RANBP3: variants seen among roughly 807,000 people sequenced by gnomAD.
RANBP3 encodes ran-binding protein 3.
A neutral mutation model predicts 77.3 loss-of-function variants in RANBP3; 14 were observed. The observed-to-expected ratio is 0.18, with a 90% CI of 0.12 to 0.28. RANBP3 has a LOEUF of 0.28. RANBP3 is among the 10% of genes least tolerant of loss of function. RANBP3 has a pLI of 1.00. For synonymous variants in RANBP3, 315 were observed against 312.4 expected, an observed-to-expected ratio of 1.01 and a Z score of -0.09; for missense variants, 586 against 752.3, an observed-to-expected ratio of 0.78 and a Z score of 2.59.
chr19:5,965,538 G>A (rs2145250453), intron 1 of RANBP3, among the ~76,000 whole-genome samples: 1 of 152,306 alleles, frequency 6.6e-6, no homozygotes, highest in Non-Finnish European at 1.5e-5. Flanking sequence ...GGGAGAGGGT[G>A]CTGTAGAGCC....
chr19:5,923,955 G>C (rs1568447534), intron 11 of RANBP3, 41 bp from the exon 12 acceptor site: 1 of 1,490,518 alleles, frequency 6.7e-7, no homozygotes, highest in Non-Finnish European at 9.3e-7. Flanking sequence ...GGGCACTTGT[G>C]TGGTCCTTCA....
At chr19:5,970,430 T>C (rs1051603504) in intron 1 of RANBP3, among the ~76,000 whole-genome samples, 1 of 152,088 alleles carries the variant, frequency 6.6e-6, no homozygotes, top group Non-Finnish European at 1.5e-5. Flanking sequence ...CAAAGTCTCT[T>C]GGGTGTCAAT....
In RANBP3 at chr19:5,936,918, G is replaced by A. The variant is rs371101965; in HGVS notation, c.407-3439C>T. Among the ~76,000 whole-genome samples the A allele has an allele frequency of 5.3e-5, 8 of 151,750 alleles. No homozygotes were observed. The East Asian group carries it at 5.8e-4, about 11-fold the overall frequency. ...AGGGATGGTGCTCAGAGTATCCCAC[G>A]GGTGGTGAGTGCCTGTAATCCCAGC... On this transcript the variant is annotated intron_variant, in intron 5 of 16. Coordinates refer to ENST00000340578, the MANE Select transcript of RANBP3 (RefSeq NM_007322.3).
At position 5,918,487 on chromosome 19, in the gene RANBP3, C is replaced by A; in HGVS notation, c.1473+9G>T. On this transcript the variant is annotated intron_variant, in intron 15 of 16. Transcript: ENST00000340578. ...AGGGGTCCCAGATGCACCCGCGTGGCTGGCTCACCGAGATCAGGAAGACCT... is the reference window on the plus strand; with the variant it reads ...AGGGGTCCCAGATGCACCCGCGTGGATGGCTCACCGAGATCAGGAAGACCT... 6.4e-7 allele frequency: 1 copy of A among 1,568,970 alleles called. No individual in the cohort carries two copies. Among genetic ancestry groups the A allele is most frequent in the Admixed American group, 1.7e-5 (1 of 58,402 alleles).
chr19:5,930,819 G>C (rs552544560), intron 8 of RANBP3, among the ~76,000 whole-genome samples: 3 of 152,128 alleles, frequency 2.0e-5, no homozygotes, highest in African/African-American at 7.2e-5. Flanking sequence ...TCCACCTGCC[G>C]CGGCCTCCCA....
At chr19:5,956,164 AG>A (rs2058332914) in intron 2 of RANBP3, among the ~76,000 whole-genome samples, 1 of 152,206 alleles carries the variant, frequency 6.6e-6, no homozygotes. Flanking sequence ...AAAAAAACAC[AG>A]GTGGCAGTGC....
chr19:5,925,085 T>A (rs971905243), intron 10 of RANBP3, 180 bp from the exon 11 acceptor site: 2 of 647,884 alleles, frequency 3.1e-6, no homozygotes, highest in African/African-American at 3.6e-5. Flanking sequence ...ATTGAAAACA[T>A]TAACCCTTAG....
chr19:5,924,592 G>T lies in RANBP3; in HGVS notation c.996+235C>A, dbSNP rs904955129. On this transcript the variant is annotated intron_variant, in intron 11 of 16. Transcript: ENST00000340578. The surrounding 1 kb of genome is among the most constrained non-coding windows in gnomAD (Gnocchi z 4.7). Reference sequence around the variant, plus strand: ...GGGAAGCCCATCTTGGGATGAAGTTGGCCCTGGTCAGCACGGAGGAGCCGG... The same window carrying T: ...GGGAAGCCCATCTTGGGATGAAGTTTGCCCTGGTCAGCACGGAGGAGCCGG... 4.6e-5 allele frequency among the ~76,000 whole-genome samples: 7 copies of T among 152,266 alleles called. No homozygotes were observed. Among genetic ancestry groups the T allele is most frequent in the Non-Finnish European group, 8.8e-5 (6 of 68,046 alleles).
chr19:5,930,901 A>G (rs1353492765), intron 8 of RANBP3, among the ~76,000 whole-genome samples: 1 of 152,162 alleles, frequency 6.6e-6, no homozygotes, highest in African/African-American at 2.4e-5. Context: ...ACTCCCAAAG[A>G]AAAATTTTCA....
Position 5,917,990 on chromosome 19 carries a change from G to A in RANBP3, c.1474-10C>T, listed in dbSNP as rs1169995579. On this transcript the variant is annotated splice_polypyrimidine_tract_variant and intron_variant, in intron 15 of 16. Coordinates refer to ENST00000340578, the MANE Select transcript of RANBP3 (RefSeq NM_007322.3). ...TGTCCTTGGAGCTGGCCTGGGAAGG[G>A]AGGAGGGTATGAGACCCCCGGACCC... 1.3e-6 allele frequency: 2 copies of A among 1,579,410 alleles called. No homozygotes were observed. Among genetic ancestry groups the A allele is most frequent in the East Asian group, 4.5e-5 (2 of 44,306 alleles).
At chr19:5,922,153 C>G (rs958638771) in intron 13 of RANBP3, among the ~76,000 whole-genome samples, 90 of 151,930 alleles carry the variant, frequency 5.9e-4, no homozygotes, top group African/African-American at 2.1e-3. Context: ...TTGTCTGACT[C>G]TGTGAATATA....
rs1265444212 is a variant in RANBP3 at position 5,959,487 on chromosome 19, G to A, written c.23-1514C>T. Among the ~76,000 whole-genome samples, 1 of 152,082 alleles carries A rather than the reference G, an allele frequency of 6.6e-6. No individual in the cohort carries two copies. The highest frequency in any genetic ancestry group is 1.5e-5 in the Non-Finnish European group (1 of 68,016). The stretch of plus-strand genomic sequence containing the variant: ...CCGAAGCCTCGGCACACCAGGGTCT[G>A]ATTCACCGTGTACAGCCAAGGCAAA... On this transcript the variant is annotated intron_variant, in intron 1 of 16. Coordinates refer to ENST00000340578, the MANE Select transcript of RANBP3 (RefSeq NM_007322.3). The surrounding 1 kb of genome is among the most constrained non-coding windows in gnomAD (Gnocchi z 5.1).
chr19:5,977,783 G>A (rs1037244987), intron 1 of RANBP3, among the ~76,000 whole-genome samples: 7 of 152,222 alleles, frequency 4.6e-5, no homozygotes, highest in Non-Finnish European at 1.0e-4. Flanking sequence ...GAGCTTGGCT[G>A]CGACGCAGAG....
At chr19:5,933,935 AAGTGAG>A in intron 5 of RANBP3, 1 of 153,912 alleles carries the variant, frequency 6.5e-6, no homozygotes, top group South Asian at 2.0e-4. Flanking sequence ...GATGTCTGGG[AAGTGAG>A]ACAGGTTTTT....
intron 3 of RANBP3, among the ~76,000 whole-genome samples, chr19:5,947,890 AG>A (rs2058227392): frequency 1.3e-5 from 2 of 152,192 alleles, no homozygotes; most frequent in African/African-American, 2.4e-5. Flanking sequence ...ATGGGAATGC[AG>A]GGGTGGGAAG....
chr19:5,957,743 A>G (rs1259552298), intron 2 of RANBP3, among the ~76,000 whole-genome samples, 175 bp downstream of exon 2: 1 of 152,132 alleles, frequency 6.6e-6, no homozygotes, highest in African/African-American at 2.4e-5. Flanking sequence ...ACGGTAACCT[A>G]AAGCCACCAA....
At chr19:5,968,339 TC>T (rs1490570566) in intron 1 of RANBP3, among the ~76,000 whole-genome samples, 2 of 152,210 alleles carry the variant, frequency 1.3e-5, no homozygotes, top group Non-Finnish European at 2.9e-5. Context: ...GCGGTTGGGA[TC>T]CCAGATAAGA....
intron 3 of RANBP3, among the ~76,000 whole-genome samples, chr19:5,944,793 C>A (rs2145154262): frequency 6.6e-6 from 1 of 152,328 alleles, no homozygotes; most frequent in South Asian, 2.1e-4. Context: ...ACAGCAGGCC[C>A]AGGACATCCC....
At position 5,941,686 on chromosome 19, in the gene RANBP3, T is replaced by C; in HGVS notation, c.341A>G (p.Asn114Ser). Residue 114 changes from asparagine to serine, a missense_variant, in exon 5 of 17, where the codon AAT (asparagine) becomes AGT (serine). By Grantham distance (46) the Asn-to-Ser change is conservative (BLOSUM62 1). Transcript: ENST00000340578. The stretch of plus-strand genomic sequence containing the variant: ...TTCTCGCTTGACAGGAGGGCAGTAA[T>C]TTCCATCTTCTCTGTCAGAATCTAC... ...GGEDSDREDG[N>S]YCPPVKRERT... 6.2e-7 allele frequency: 1 copy of C among 1,613,852 alleles called. No homozygotes were observed. The highest frequency in any genetic ancestry group is 8.5e-7 in the Non-Finnish European group (1 of 1,179,932).
Sources: gnomAD v4.1 joint callset for allele counts (sites outside exome capture counted in the v4.1 genomes callset) on GRCh38, gnomAD v4.1.1 for gene constraint, Gnocchi (gnomAD v3.1) non-coding constraint, MANE v1.5 for transcripts, NCBI Gene and HGNC (gene_info 2026-07-23, HGNC 2026-07-21) for gene names.